The following SATB2 variants were observed in gnomAD, a reference collection of about 807,000 sequenced individuals.
SATB2 encodes DNA-binding protein SATB2.
Under a neutral mutation model 73.4 loss-of-function variants are expected in SATB2, and 1 was observed. The ratio of observed to expected loss-of-function variants is 0.01; its 90% CI spans 0.00 to 0.06. The LOEUF (loss-of-function observed/expected upper bound fraction) is 0.06. Ranked by LOEUF, SATB2 falls within the 10% of genes least tolerant of loss-of-function variation. The pLI, the probability that SATB2 is intolerant of heterozygous loss-of-function variation, is 1.00. For missense variants in SATB2, 459 were observed against 945.8 expected, an observed-to-expected ratio of 0.49 and a Z score of 6.75; for synonymous variants, 397 against 367.0, an observed-to-expected ratio of 1.08 and a Z score of -0.93.
At chr2:199,354,710 G>A (rs1688920817) in intron 6 of SATB2, among the ~76,000 whole-genome samples, 1 of 152,182 alleles carries the variant, frequency 6.6e-6, no homozygotes, top group Non-Finnish European at 1.5e-5. Flanking sequence ...AGAGTTCTAA[G>A]AGGATCTTGC....
chr2:199,439,113 T>C (rs1417780818), intron 2 of SATB2, among the ~76,000 whole-genome samples: 4 of 152,270 alleles, frequency 2.6e-5, no homozygotes, highest in Non-Finnish European at 5.9e-5. Context: ...TCTGGCACCA[T>C]GCTAGGCATG....
intron 3 of SATB2, among the ~76,000 whole-genome samples, chr2:199,386,758 ACACACAC>A (rs1333381322): frequency 2.8e-5 from 3 of 106,694 alleles, no homozygotes; most frequent in African/African-American, 9.0e-5. Flanking sequence ...ACACACACAC[ACACACAC>A]ACCTTTGAGT....
At chr2:199,456,224 C>G (rs1364365370) in intron 1 of SATB2, 128 bp from the exon 2 acceptor site, 3 of 669,660 alleles carry the variant, frequency 4.5e-6, no homozygotes, top group Non-Finnish European at 7.8e-6. Flanking sequence ...TCCCACGCTG[C>G]CCGAGGGGCC....
At chr2:199,291,904 C>CTT (rs1360757031) in intron 10 of SATB2, among the ~76,000 whole-genome samples, 1 of 151,314 alleles carries the variant, frequency 6.6e-6, no homozygotes, top group Non-Finnish European at 1.5e-5. Flanking sequence ...CAGCAAGACT[C>CTT]TGTCTCAAAA....
intron 3 of SATB2, among the ~76,000 whole-genome samples, chr2:199,385,856 G>A (rs1292499152): frequency 1.3e-5 from 2 of 152,086 alleles, no homozygotes; most frequent in Non-Finnish European, 2.9e-5. Flanking sequence ...TCCTCTGCTT[G>A]TCACCTGTGA....
At chr2:199,393,223 T>C (rs1016922760) in intron 3 of SATB2, among the ~76,000 whole-genome samples, 7 of 152,240 alleles carry the variant, frequency 4.6e-5, no homozygotes, top group Admixed American at 3.3e-4. Flanking sequence ...ACACGGTGCC[T>C]GGCAGATGGT....
intron 10 of SATB2, among the ~76,000 whole-genome samples, chr2:199,301,544 T>C (rs1283128836): frequency 1.3e-5 from 2 of 152,172 alleles, no homozygotes; most frequent in Non-Finnish European, 2.9e-5. Context: ...CCTTCCAAAT[T>C]AGGCATTCAG....
At chr2:199,445,307 T>C (rs1691933011) in intron 2 of SATB2, among the ~76,000 whole-genome samples, 3 of 152,230 alleles carry the variant, frequency 2.0e-5, no homozygotes, top group South Asian at 4.1e-4. Flanking sequence ...GACCCTGCGC[T>C]AATTGGAATC....
At chr2:199,321,365 G>GTCTATATATATA (rs1559160006) in intron 9 of SATB2, among the ~76,000 whole-genome samples, 2 of 149,898 alleles carry the variant, frequency 1.3e-5, no homozygotes, top group Non-Finnish European at 3.0e-5. Context: ...AGATATATAT[G>GTCTATATATATA]TATGTCTATA....
chr2:199,361,984 G>A (rs765685981), intron 6 of SATB2, among the ~76,000 whole-genome samples: 11 of 144,058 alleles, frequency 7.6e-5, no homozygotes, highest in Non-Finnish European at 1.1e-4. Flanking sequence ...TGATCCACCC[G>A]CCTCGGCCTC....
intron 3 of SATB2, among the ~76,000 whole-genome samples, chr2:199,386,873 A>G (rs1043389501): frequency 6.6e-6 from 1 of 152,048 alleles, no homozygotes; most frequent in Non-Finnish European, 1.5e-5. Flanking sequence ...CTGATCCCCA[A>G]TATTCACTTC....
chr2:199,343,613 T>G (rs1229562073), intron 7 of SATB2, among the ~76,000 whole-genome samples: 1 of 152,200 alleles, frequency 6.6e-6, no homozygotes, highest in Non-Finnish European at 1.5e-5. Flanking sequence ...AAGTTCAAAC[T>G]ATGTCATTCT....
At chr2:199,304,601 T>C (rs1413470049) in intron 10 of SATB2, among the ~76,000 whole-genome samples, 2 of 152,156 alleles carry the variant, frequency 1.3e-5, no homozygotes, top group Non-Finnish European at 2.9e-5. Flanking sequence ...ACTGTGAATC[T>C]AAGATATTTA....
At chr2:199,386,734 A>G (rs1018395280) in intron 3 of SATB2, among the ~76,000 whole-genome samples, 58 of 126,864 alleles carry the variant, frequency 4.6e-4, no homozygotes, top group African/African-American at 1.5e-3. Flanking sequence ...ACACACACAC[A>G]CACACACACA....
At chr2:199,439,123 G>A (rs1158948452) in intron 2 of SATB2, among the ~76,000 whole-genome samples, 2 of 152,272 alleles carry the variant, frequency 1.3e-5, no homozygotes, top group Admixed American at 1.3e-4. Context: ...TGCTAGGCAT[G>A]GAGGGGGAAA....
Position 199,272,720 on chromosome 2 carries a change from C to T in SATB2, c.1741-48G>A, listed in dbSNP as rs774773481. 8 of 1,530,170 alleles carry T rather than the reference C, an allele frequency of 5.2e-6. No individual in the cohort carries two copies. The East Asian group carries it at 1.8e-4, about 34-fold the overall frequency. The allele number at this position is 1,530,170 out of a possible 1,614,324, so 94.8% of individuals were successfully genotyped here. On this transcript the variant is annotated intron_variant, in intron 10 of 10. Coordinates refer to ENST00000417098, the MANE Select transcript of SATB2 (RefSeq NM_001172509.2). The surrounding 1 kb of genome is among the most constrained non-coding windows in gnomAD (Gnocchi z 6.7). Reference sequence around the variant, plus strand: ...ATGAACACTGGACTCATGATTTTACCTTTCCAAAACCATCAGCCCTCTGAA... The same window carrying T: ...ATGAACACTGGACTCATGATTTTACTTTTCCAAAACCATCAGCCCTCTGAA...
intron 9 of SATB2, among the ~76,000 whole-genome samples, chr2:199,315,980 A>G (rs1687722220): frequency 2.0e-5 from 3 of 152,116 alleles, no homozygotes; most frequent in Non-Finnish European, 4.4e-5. Flanking sequence ...TTGCAGCAGA[A>G]ATGCAAAAGG....
chr2:199,466,198 G>A (rs1228639728), upstream of SATB2, among the ~76,000 whole-genome samples: 1 of 152,130 alleles, frequency 6.6e-6, no homozygotes, highest in East Asian at 1.9e-4. Context: ...ATTCTTCCCA[G>A]AGCTACCACA....
intron 3 of SATB2, among the ~76,000 whole-genome samples, chr2:199,418,300 C>CTA (rs1158375521): frequency 6.6e-6 from 1 of 152,112 alleles, no homozygotes; most frequent in Non-Finnish European, 1.5e-5. Flanking sequence ...AACCACTGCA[C>CTA]TATACTACAA....
Sources: allele counts gnomAD v4.1 joint callset (sites outside exome capture counted in the v4.1 genomes callset), GRCh38; gene constraint gnomAD v4.1.1; non-coding constraint Gnocchi (gnomAD v3.1); transcripts MANE v1.5; gene names NCBI Gene and HGNC (gene_info 2026-07-23, HGNC 2026-07-21).